STK3: variants seen among roughly 807,000 people sequenced by gnomAD.
STK3 encodes serine/threonine kinase 3, also known as serine/threonine-protein kinase 3.
Under a neutral mutation model 58.0 loss-of-function variants are expected in STK3, and 41 were observed. That is an observed-to-expected ratio of 0.71 (90% confidence interval 0.55 to 0.92). The LOEUF is 0.92. Ranked by LOEUF, STK3 falls within the 40% of genes least tolerant of loss-of-function variation. STK3 has a pLI of 0.00. For synonymous variants in STK3, 170 were observed against 191.0 expected, an observed-to-expected ratio of 0.89 and a Z score of 0.91; for missense variants, 479 against 602.7, an observed-to-expected ratio of 0.79 and a Z score of 2.15.
In STK3 at chr8:98,815,917, C is replaced by T. The variant is rs887834256; in HGVS notation, c.26+9598G>A. Among the ~76,000 whole-genome samples, 89 of 152,084 alleles carry T rather than the reference C, an allele frequency of 5.9e-4. 3 individuals are homozygous for T. Among genetic ancestry groups the T allele is most frequent in the Admixed American group, 6.5e-5 (1 of 15,272 alleles). ...GCAACACCCACTAACCATCCACAGC[C>T]GCTAACATCACAAAAAAGAAAGACA... is the stretch of plus-strand genomic sequence containing the variant. On this transcript the variant is annotated intron_variant, in intron 1 of 10. Transcript: ENST00000419617.
chr8:98,595,722 T>C (rs1228341395), intron 7 of STK3: 2 of 207,544 alleles, frequency 9.6e-6, no homozygotes, highest in Non-Finnish European at 2.0e-5. Context: ...ACATATTTTA[T>C]GGTGGAGCAA....
chr8:98,528,850 C>A (rs947245999), intron 9 of STK3, among the ~76,000 whole-genome samples: 2 of 152,148 alleles, frequency 1.3e-5, no homozygotes, highest in Non-Finnish European at 2.9e-5. Context: ...ATAAATTACT[C>A]TTTCGTATAA....
chr8:98,482,221 A>G (rs1363815089), intron 10 of STK3, among the ~76,000 whole-genome samples: 1 of 152,228 alleles, frequency 6.6e-6, no homozygotes, highest in Non-Finnish European at 1.5e-5. Flanking sequence ...CAGATCAGTT[A>G]TATGCTTTAA....
At chr8:98,541,000 G>C (rs189702048) in intron 9 of STK3, among the ~76,000 whole-genome samples, 73 of 152,262 alleles carry the variant, frequency 4.8e-4, no homozygotes, top group African/African-American at 1.6e-3. Flanking sequence ...ATTTCAATCT[G>C]TATTACTGAA....
chr8:98,772,989 T>G (rs999108769), intron 2 of STK3, among the ~76,000 whole-genome samples: 1 of 152,236 alleles, frequency 6.6e-6, no homozygotes, highest in Non-Finnish European at 1.5e-5. Context: ...AAATCTCTTA[T>G]TTTTTAGAAT....
At chr8:98,522,764 T>C (rs1276551314) in intron 10 of STK3, among the ~76,000 whole-genome samples, 1 of 152,162 alleles carries the variant, frequency 6.6e-6, no homozygotes, top group East Asian at 1.9e-4. Context: ...AATTTGACTA[T>C]TATAGGTAAC....
chr8:98,648,281 T>C (rs1355553660), intron 6 of STK3, among the ~76,000 whole-genome samples: 5 of 152,202 alleles, frequency 3.3e-5, no homozygotes, highest in East Asian at 1.9e-4. Context: ...ACTACATTAA[T>C]TGGTATACAC....
rs576025786 is a variant in STK3 at position 98,863,639 on chromosome 8, T to A, written c.110+20008A>T. On this transcript the variant is annotated intron_variant, in intron 3 of 12. Coordinates refer to the STK3 transcript ENST00000523601. ...ATAAAACAACCAGTATACAAAAAAA[T>A]TTTAAATGAAAACAACCCATTACCA... Among the ~76,000 whole-genome samples, 213 of 152,248 alleles carry A rather than the reference T, an allele frequency of 1.4e-3. 1 individual carries two copies. Among genetic ancestry groups the A allele is most frequent in the African/African-American group, 5.1e-3 (210 of 41,540 alleles).
intron 1 of STK3, among the ~76,000 whole-genome samples, chr8:98,890,177 A>G (rs573825673): frequency 1.3e-5 from 2 of 152,346 alleles, no homozygotes; most frequent in Middle Eastern, 6.8e-3. Context: ...CTTCCACTCC[A>G]GTGCTCTGGC....
At chr8:98,540,344 A>C (rs1810136913) in intron 9 of STK3, among the ~76,000 whole-genome samples, 1 of 152,208 alleles carries the variant, frequency 6.6e-6, no homozygotes, top group Non-Finnish European at 1.5e-5. Flanking sequence ...TAGTCTTCAG[A>C]CCAGCATCTC....
chr8:98,892,564 TC>T (rs955633359), intron 1 of STK3, among the ~76,000 whole-genome samples: 72 of 152,240 alleles, frequency 4.7e-4, no homozygotes, highest in African/African-American at 1.6e-3. Context: ...CTTTCCTTAG[TC>T]CCTTACTTTT....
At chr8:98,417,174 G>A (rs1818124508) in intron 3 of STK3, among the ~76,000 whole-genome samples, 1 of 152,198 alleles carries the variant, frequency 6.6e-6, no homozygotes, top group East Asian at 1.9e-4. Flanking sequence ...GAATCCCAGG[G>A]GTGGGGGAGT....
the STK3 span, among the ~76,000 whole-genome samples, chr8:98,365,588 A>AAACATTAC: frequency 9.9e-5 from 15 of 152,202 alleles, no homozygotes; most frequent in Admixed American, 5.2e-4. Flanking sequence ...AAAAGAAATA[A>AAACATTAC]AACATTACAG....
intron 8 of STK3, among the ~76,000 whole-genome samples, chr8:98,561,404 T>C (rs1812027129): frequency 6.6e-6 from 1 of 151,742 alleles, no homozygotes; most frequent in African/African-American, 2.4e-5. Context: ...ATAAAACCTA[T>C]AGAAGAAAAC....
upstream of STK3, chr8:98,388,325 GATATCAAT>G (rs1817813371): frequency 6.6e-6 from 1 of 152,196 alleles, no homozygotes; most frequent in African/African-American, 2.4e-5. Context: ...ACTAGGCAAT[GATATCAAT>G]GGCTGCTAAA....
At chr8:98,476,614 T>C (rs1415299218) in intron 10 of STK3, among the ~76,000 whole-genome samples, 1 of 152,150 alleles carries the variant, frequency 6.6e-6, no homozygotes, top group Non-Finnish European at 1.5e-5. Flanking sequence ...AAAAGGCAAA[T>C]GCATGAACAG....
chr8:98,586,443 A>G (rs1814604299), intron 7 of STK3, among the ~76,000 whole-genome samples: 2 of 147,826 alleles, frequency 1.4e-5, no homozygotes, highest in African/African-American at 2.5e-5. Flanking sequence ...CCCAGGGATG[A>G]AGCCCACTTG....
downstream of STK3, among the ~76,000 whole-genome samples, chr8:98,450,610 GAATAT>G (rs1819155433): frequency 6.6e-6 from 1 of 152,134 alleles, no homozygotes; most frequent in Non-Finnish European, 1.5e-5. Flanking sequence ...TGATAAGAGA[GAATAT>G]AATACATTAT....
chr8:98,732,951 T>C (rs1253274588), intron 4 of STK3, among the ~76,000 whole-genome samples: 1 of 152,192 alleles, frequency 6.6e-6, no homozygotes, highest in Non-Finnish European at 1.5e-5. Flanking sequence ...GCCATCAACC[T>C]AAAATGTGGC....
Sources: allele counts gnomAD v4.1 joint callset (sites outside exome capture counted in the v4.1 genomes callset), GRCh38; gene constraint gnomAD v4.1.1; transcripts MANE v1.5; gene names NCBI Gene and HGNC (gene_info 2026-07-23, HGNC 2026-07-21).